The following MACROH2A1 variants were observed in gnomAD, a reference collection of about 807,000 sequenced individuals.
The protein encoded by MACROH2A1 is macroH2A.1 histone.
In MACROH2A1, 2 loss-of-function variants were observed where a neutral mutation model predicts 31.6. The observed-to-expected ratio is 0.06, with a 90% CI of 0.03 to 0.20. MACROH2A1 has a LOEUF of 0.20. Among genes scored for constraint, MACROH2A1 ranks in the 10% least tolerant of loss-of-function variants. The pLI is 1.00. For missense variants in MACROH2A1, 230 were observed against 474.0 expected, an observed-to-expected ratio of 0.49 and a Z score of 4.78; for synonymous variants, 169 against 189.6, an observed-to-expected ratio of 0.89 and a Z score of 0.89.
intron 2 of MACROH2A1, among the ~76,000 whole-genome samples, chr5:135,381,950 C>T (rs970843416): frequency 1.3e-5 from 2 of 152,176 alleles, no homozygotes; most frequent in African/African-American, 2.4e-5. Context: ...ATGTGACAGA[C>T]ATGTTCAAAA....
At chr5:135,346,139 A>G in intron 6 of MACROH2A1, 82 bp from the exon 7 acceptor site, 1 of 826,380 alleles carries the variant, frequency 1.2e-6, no homozygotes, top group South Asian at 1.3e-5. Context: ...GTGATTACAT[A>G]CTTCAAATGA....
chr5:135,339,314 GGTCCTGTCT>G (rs1759373539), intron 8 of MACROH2A1, among the ~76,000 whole-genome samples: 3 of 152,178 alleles, frequency 2.0e-5, no homozygotes, highest in African/African-American at 7.2e-5. Flanking sequence ...CTTGTCCCAC[GGTCCTGTCT>G]GGACACGCAG....
chr5:135,352,938 C>G lies in MACROH2A1; in HGVS notation c.688+8G>C. On this transcript the variant is annotated splice_region_variant and intron_variant, in intron 6 of 8. Transcript: ENST00000511689. Reference sequence around the variant, plus strand: ...CAGCTGGTGGTGCCGAACCCCGTCCCCAATTACCTAGGTCATCTTTAAGGT... The same window carrying G: ...CAGCTGGTGGTGCCGAACCCCGTCCGCAATTACCTAGGTCATCTTTAAGGT... 7.0e-7 allele frequency: 1 copy of G among 1,424,510 alleles called. No homozygotes were observed. Among genetic ancestry groups the G allele is most frequent in the South Asian group, 1.1e-5 (1 of 87,320 alleles). The allele number at this position is 1,424,510 out of a possible 1,614,324, so 88.2% of individuals were successfully genotyped here. A position where few individuals can be genotyped will look rare whatever the true frequency, so the allele number is the denominator to read the frequency against.
chr5:135,354,871 C>T (rs1031747715), intron 5 of MACROH2A1: 14 of 358,758 alleles, frequency 3.9e-5, no homozygotes, highest in African/African-American at 2.6e-4. Context: ...CACCAAAACA[C>T]ACCCCACACA....
At chr5:135,345,920 T>A (rs924380331) in intron 7 of MACROH2A1, 48 bp downstream of exon 7, 15 of 1,252,596 alleles carry the variant, frequency 1.2e-5, no homozygotes, top group Non-Finnish European at 1.8e-5. Flanking sequence ...GCTTTCCTAA[T>A]ACTGCATGTG....
At chr5:135,356,236 C>T (rs940420320) in intron 5 of MACROH2A1, 4 of 152,178 alleles carry the variant, frequency 2.6e-5, no homozygotes. Context: ...CAGAAAGGGT[C>T]GTAGCCAAGG....
At chr5:135,380,023 G>A (rs754226727) in intron 2 of MACROH2A1, among the ~76,000 whole-genome samples, 43 of 152,218 alleles carry the variant, frequency 2.8e-4, no homozygotes, top group Non-Finnish European at 4.3e-4. Context: ...CTCTGCCCCC[G>A]TGTTAATCCT....
chr5:135,376,981 G>A (rs998181772), intron 2 of MACROH2A1, among the ~76,000 whole-genome samples: 1 of 152,194 alleles, frequency 6.6e-6, no homozygotes, highest in African/African-American at 2.4e-5. Flanking sequence ...TCTGCCAATA[G>A]TTTACTCTTT....
At chr5:135,342,162 A>G (rs1458692865) in intron 8 of MACROH2A1, among the ~76,000 whole-genome samples, 1 of 152,110 alleles carries the variant, frequency 6.6e-6, no homozygotes, top group Non-Finnish European at 1.5e-5. Flanking sequence ...GGTAGGGAGG[A>G]CCCTAGCAAT....
At chr5:135,355,080 A>C (rs1762008804) in intron 5 of MACROH2A1, 1 of 455,956 alleles carries the variant, frequency 2.2e-6, no homozygotes, top group Non-Finnish European at 4.4e-6. Context: ...GAAATGTTTC[A>C]TTGGAAAAGA....
intron 1 of MACROH2A1, among the ~76,000 whole-genome samples, chr5:135,390,044 A>G (rs1314043232): frequency 6.6e-6 from 1 of 152,242 alleles, no homozygotes; most frequent in Non-Finnish European, 1.5e-5. Context: ...TAGGCCTGGC[A>G]CACATGTCCA....
chr5:135,357,859 CTCCT>C (rs1180232935), intron 5 of MACROH2A1: 1 of 985,244 alleles, frequency 1.0e-6, no homozygotes, highest in Non-Finnish European at 1.2e-6. Context: ...AATGGTCAGG[CTCCT>C]AAGCCTGGGC....
intron 2 of MACROH2A1, 72 bp downstream of exon 2, chr5:135,388,850 T>C (rs1296251170): frequency 5.6e-6 from 7 of 1,260,126 alleles, no homozygotes; most frequent in Non-Finnish European, 7.7e-6. Flanking sequence ...GAAACAAAAG[T>C]GGTCTTTGGA....
At chr5:135,396,494 TC>T (rs1259822473) in intron 1 of MACROH2A1, among the ~76,000 whole-genome samples, 2 of 152,102 alleles carry the variant, frequency 1.3e-5, no homozygotes, top group Non-Finnish European at 2.9e-5. Context: ...ATCCCGAGCC[TC>T]TGGCAGTTCC....
intron 5 of MACROH2A1, chr5:135,357,766 G>A (rs540609560): frequency 1.0e-6 from 1 of 984,032 alleles, no homozygotes; most frequent in East Asian, 1.1e-4. Flanking sequence ...ATTCAACAAT[G>A]TGTGTGAACA....
chr5:135,358,504 G>C lies in MACROH2A1; in HGVS notation c.588+1993C>G, dbSNP rs1054142612. Reference sequence around the variant, plus strand: ...GTGTTTTGTTTTCACCACTAAAAAGGGGGTGATATGGGAAAGAAGGCTAGG... The same window carrying C: ...GTGTTTTGTTTTCACCACTAAAAAGCGGGTGATATGGGAAAGAAGGCTAGG... On this transcript the variant is annotated intron_variant, in intron 5 of 8. Transcript: ENST00000511689. The C allele has an allele frequency of 2.1e-5, 21 of 985,200 alleles. No individual in the cohort carries two copies. The African/African-American group carries it at 3.3e-4, about 16-fold the overall frequency. 61.0% of individuals were successfully genotyped at this position (985,200 alleles called of 1,614,324 possible). A position where few individuals can be genotyped will look rare whatever the true frequency, so the allele number is the denominator to read the frequency against.
At chr5:135,384,892 C>T (rs907452046) in intron 2 of MACROH2A1, among the ~76,000 whole-genome samples, 2 of 152,200 alleles carry the variant, frequency 1.3e-5, no homozygotes, top group African/African-American at 4.8e-5. Flanking sequence ...AACTCTGGCA[C>T]CAATGCCCAT....
intron 5 of MACROH2A1, chr5:135,360,238 C>T: frequency 1.9e-6 from 1 of 515,038 alleles, no homozygotes; most frequent in Non-Finnish European, 3.5e-6. Flanking sequence ...ACCAAGGGTC[C>T]CCATCTCCCA....
chr5:135,338,043 G>A, intron 8 of MACROH2A1: 1 of 1,126,148 alleles, frequency 8.9e-7, no homozygotes, highest in Non-Finnish European at 1.1e-6. Context: ...TTTCTGGTGG[G>A]CCTCAAAATG....
Sources: allele counts gnomAD v4.1 joint callset (sites outside exome capture counted in the v4.1 genomes callset), GRCh38; gene constraint gnomAD v4.1.1; transcripts MANE v1.5; gene names NCBI Gene and HGNC (gene_info 2026-07-23, HGNC 2026-07-21).